The following FNDC3B variants were observed in gnomAD, a reference collection of about 807,000 sequenced individuals.
FNDC3B encodes fibronectin type III domain-containing protein 3B.
In FNDC3B, 12 loss-of-function variants were observed where a neutral mutation model predicts 151.5. The ratio of observed to expected loss-of-function variants is 0.08; its 90% CI spans 0.05 to 0.13. The LOEUF is 0.13. FNDC3B is among the 10% of genes least tolerant of loss of function. The pLI, the probability that FNDC3B is intolerant of heterozygous loss-of-function variation, is 1.00. For missense variants in FNDC3B, 1,214 were observed against 1,505.3 expected, an observed-to-expected ratio of 0.81 and a Z score of 3.20; for synonymous variants, 528 against 549.0, an observed-to-expected ratio of 0.96 and a Z score of 0.54.
intron 1 of FNDC3B, among the ~76,000 whole-genome samples, chr3:172,042,984 G>T (rs146745553): frequency 1.9e-3 from 292 of 151,438 alleles, no homozygotes; most frequent in African/African-American, 6.4e-3. Context: ...GCGCGGTCTC[G>T]GCTAACTGCA....
At chr3:172,146,750 A>G (rs1290862185) in intron 3 of FNDC3B, among the ~76,000 whole-genome samples, 1 of 152,206 alleles carries the variant, frequency 6.6e-6, no homozygotes, top group Admixed American at 6.5e-5. Flanking sequence ...CATATTAAGT[A>G]AAATCTATGT....
intron 1 of FNDC3B, among the ~76,000 whole-genome samples, chr3:172,101,507 C>G (rs979149838): frequency 6.6e-6 from 1 of 151,980 alleles, no homozygotes; most frequent in Non-Finnish European, 1.5e-5. Context: ...TTTTCAAGTT[C>G]TTTTGTTTGA....
chr3:172,111,198 G>C (rs1051586504), intron 1 of FNDC3B, among the ~76,000 whole-genome samples: 1 of 151,626 alleles, frequency 6.6e-6, no homozygotes, highest in African/African-American at 2.4e-5. Context: ...AGTATATTAG[G>C]AATGAAATTG....
At chr3:172,326,028 G>T (rs185532141) in intron 11 of FNDC3B, among the ~76,000 whole-genome samples, 1 of 152,290 alleles carries the variant, frequency 6.6e-6, no homozygotes, top group Admixed American at 6.5e-5. Context: ...GTTTCACCAT[G>T]TTGGCCAGGC....
intron 2 of FNDC3B, among the ~76,000 whole-genome samples, chr3:172,127,384 G>A (rs770763612): frequency 6.6e-6 from 1 of 152,174 alleles, no homozygotes; most frequent in African/African-American, 2.4e-5. Flanking sequence ...TGGACTAGAC[G>A]AGTATACATT....
chr3:172,200,510 T>C (rs924691112), intron 3 of FNDC3B, among the ~76,000 whole-genome samples: 2 of 152,262 alleles, frequency 1.3e-5, no homozygotes, highest in Non-Finnish European at 2.9e-5. Context: ...TTCAGTACAG[T>C]ATTCAATAAA....
At chr3:172,190,433 A>G (rs993765242) in intron 3 of FNDC3B, among the ~76,000 whole-genome samples, 1 of 152,212 alleles carries the variant, frequency 6.6e-6, no homozygotes, top group Non-Finnish European at 1.5e-5. Flanking sequence ...TCCAAATGCT[A>G]GGAATCGGAT....
At chr3:172,056,627 G>A (rs1431514375) in intron 1 of FNDC3B, among the ~76,000 whole-genome samples, 2 of 152,196 alleles carry the variant, frequency 1.3e-5, no homozygotes, top group Non-Finnish European at 2.9e-5. Context: ...TCTGTGTCTT[G>A]TTATGACTAT....
Position 172,264,811 on chromosome 3 carries a change from C to G in FNDC3B, c.790+13270C>G, listed in dbSNP as rs537407307. On this transcript the variant is annotated intron_variant, in intron 6 of 25. Coordinates refer to ENST00000415807, the MANE Select transcript of FNDC3B (RefSeq NM_022763.4). ...TTCAATAATTGCTCTTATTTTAAGACTATGTTACAAGCTCATTGAGTGCAT... is the reference window on the plus strand; with the variant it reads ...TTCAATAATTGCTCTTATTTTAAGAGTATGTTACAAGCTCATTGAGTGCAT... Among the ~76,000 whole-genome samples, 9 of 152,266 alleles carry G rather than the reference C, an allele frequency of 5.9e-5. No individual in the cohort carries two copies. In the South Asian group the frequency reaches 1.9e-3, roughly 32 times the overall value.
chr3:172,199,402 A>C (rs1430667470), intron 3 of FNDC3B, among the ~76,000 whole-genome samples: 2 of 145,412 alleles, frequency 1.4e-5, no homozygotes, highest in African/African-American at 2.6e-5. Context: ...GATGGTCTCG[A>C]TCTCCTGACC....
chr3:172,376,529 CT>C (rs1423470520), intron 23 of FNDC3B, among the ~76,000 whole-genome samples: 10 of 152,180 alleles, frequency 6.6e-5, no homozygotes, highest in African/African-American at 2.2e-4. Flanking sequence ...GCAATTACTC[CT>C]GTTAGAGATT....
chr3:172,154,912 G>A (rs536568212), intron 3 of FNDC3B, among the ~76,000 whole-genome samples: 1 of 152,116 alleles, frequency 6.6e-6, no homozygotes, highest in East Asian at 1.9e-4. Flanking sequence ...GGGTGCTGGT[G>A]GGACAAGTCG....
At chr3:172,248,367 T>C (rs922367426) in intron 5 of FNDC3B, among the ~76,000 whole-genome samples, 4 of 152,190 alleles carry the variant, frequency 2.6e-5, no homozygotes, top group Admixed American at 6.5e-5. Flanking sequence ...TTTCACTGAT[T>C]GTTAGGCAAA....
intron 25 of FNDC3B, among the ~76,000 whole-genome samples, chr3:172,393,282 A>G (rs1444446233): frequency 6.6e-6 from 1 of 152,224 alleles, no homozygotes; most frequent in Non-Finnish European, 1.5e-5. Flanking sequence ...AAAAACTGTA[A>G]AAAGAGACAT....
At chr3:172,097,687 A>G (rs971301857) in intron 1 of FNDC3B, among the ~76,000 whole-genome samples, 1 of 152,224 alleles carries the variant, frequency 6.6e-6, no homozygotes, top group Non-Finnish European at 1.5e-5. Flanking sequence ...AAAATTGTGT[A>G]TACATATATA....
chr3:172,197,116 G>T (rs1354219794), intron 3 of FNDC3B, among the ~76,000 whole-genome samples: 2 of 152,116 alleles, frequency 1.3e-5, no homozygotes, highest in Admixed American at 6.5e-5. Flanking sequence ...GGGAGGTGGA[G>T]GTTGCAGTGA....
At chr3:172,342,869 G>T in intron 17 of FNDC3B, 142 bp from the exon 18 acceptor site, 1 of 549,698 alleles carries the variant, frequency 1.8e-6, no homozygotes. Context: ...TACATTAAAA[G>T]CATACCATAA....
chr3:172,145,937 CT>C (rs1187596598), intron 3 of FNDC3B, among the ~76,000 whole-genome samples: 1 of 151,590 alleles, frequency 6.6e-6, no homozygotes, highest in African/African-American at 2.4e-5. Context: ...CCTCAGCCTC[CT>C]GAGTAGCTGG....
At chr3:172,219,820 C>T (rs980199723) in intron 3 of FNDC3B, among the ~76,000 whole-genome samples, 3 of 152,156 alleles carry the variant, frequency 2.0e-5, no homozygotes, top group African/African-American at 7.2e-5. Flanking sequence ...GAGTAGTATT[C>T]TATGGTTTGT....
Sources: allele counts gnomAD v4.1 joint callset (sites outside exome capture counted in the v4.1 genomes callset), GRCh38; gene constraint gnomAD v4.1.1; transcripts MANE v1.5; gene names NCBI Gene and HGNC (gene_info 2026-07-23, HGNC 2026-07-21).